Variants in NUP214 observed in about 807,000 individuals in gnomAD.
The protein encoded by NUP214 is nuclear pore complex protein Nup214.
NUP214 carries 79 observed loss-of-function variants against 196.2 expected under a neutral mutation model. The observed-to-expected ratio is 0.40, with a 90% CI of 0.34 to 0.49. The LOEUF is 0.49. Ranked by LOEUF, NUP214 falls within the 20% of genes least tolerant of loss-of-function variation. The probability of loss-of-function intolerance (pLI) is 0.58; values close to 1 mark genes in which losing one functional copy is unlikely to be tolerated. For synonymous variants in NUP214, 1,020 were observed against 990.5 expected (o/e 1.03, Z -0.56); for missense variants, 2,468 against 2,539.0 (o/e 0.97, Z 0.60).
chr9:131,132,739 C>A, intron 6 of NUP214, 80 bp downstream of exon 6: 1 of 1,185,208 alleles, frequency 8.4e-7, no homozygotes, highest in Non-Finnish European at 1.3e-6. Flanking sequence ...ATGTAATGTA[C>A]CTGCTCAGTG....
chr9:131,211,875 TG>T (rs762260186), intron 30 of NUP214, among the ~76,000 whole-genome samples: 24 of 152,234 alleles, frequency 1.6e-4, no homozygotes, highest in Non-Finnish European at 3.1e-4. Context: ...ATATGAAATC[TG>T]GGCATCCAAA....
chr9:131,218,430 T>A (rs1451216533), intron 31 of NUP214, among the ~76,000 whole-genome samples: 2 of 152,214 alleles, frequency 1.3e-5, no homozygotes, highest in Admixed American at 1.3e-4. Context: ...TTCTTTCTCC[T>A]TAATTGACTC....
At chr9:131,127,448 A>C in intron 1 of NUP214, 76 bp from the exon 2 acceptor site, 2 of 1,171,356 alleles carry the variant, frequency 1.7e-6, no homozygotes, top group Non-Finnish European at 2.5e-6. Context: ...GTTGTACTGA[A>C]ATTGGGTCTA....
At chr9:131,162,775 G>A in intron 18 of NUP214, 1 of 553,658 alleles carries the variant, frequency 1.8e-6, no homozygotes, top group Non-Finnish European at 3.2e-6. Flanking sequence ...GGACTGGCCT[G>A]CCTGTTTCCA....
intron 12 of NUP214, among the ~76,000 whole-genome samples, chr9:131,145,790 A>G (rs1235393210): frequency 6.6e-6 from 1 of 152,206 alleles, no homozygotes; most frequent in African/African-American, 2.4e-5. Flanking sequence ...AACTCTCCTA[A>G]GCATAATTGT....
chr9:131,140,945 CA>C (rs1312639525), intron 11 of NUP214, among the ~76,000 whole-genome samples: 1 of 152,124 alleles, frequency 6.6e-6, no homozygotes, highest in Non-Finnish European at 1.5e-5. Flanking sequence ...GAAGGTCAAC[CA>C]GATGATTTGC....
At chr9:131,178,461 G>A (rs776004710) in intron 24 of NUP214, 51 bp downstream of exon 24, 13 of 1,332,320 alleles carry the variant, frequency 9.8e-6, no homozygotes, top group African/African-American at 5.8e-5. Context: ...CTGTAGTAGC[G>A]GTGGACTGCC....
intron 34 of NUP214, 142 bp downstream of exon 34, chr9:131,230,911 A>C (rs987675496): frequency 1.0e-6 from 1 of 993,806 alleles, no homozygotes; most frequent in Non-Finnish European, 1.4e-6. Context: ...CTGTAATCCC[A>C]GCACTTTGGG....
chr9:131,212,580 G>GT (rs1564213704), intron 30 of NUP214, among the ~76,000 whole-genome samples: 1 of 152,054 alleles, frequency 6.6e-6, no homozygotes, highest in Non-Finnish European at 1.5e-5. Context: ...TTGAAATATC[G>GT]GGGGCTGGTT....
At chr9:131,174,743 T>C (rs1833067068) in intron 22 of NUP214, among the ~76,000 whole-genome samples, 1 of 152,096 alleles carries the variant, frequency 6.6e-6, no homozygotes, top group African/African-American at 2.4e-5. Flanking sequence ...CATGAGCCAC[T>C]GCACCTGGCT....
chr9:131,198,948 C>G lies in NUP214; in HGVS notation c.5454C>G (p.Val1818=). 1 of 1,614,058 alleles carries G rather than the reference C, an allele frequency of 6.2e-7. No individual in the cohort carries two copies. Among genetic ancestry groups the G allele is most frequent in the South Asian group, 1.1e-5 (1 of 91,080 alleles). Residue 1818 remains valine, a synonymous_variant, in exon 29 of 36, where the codon GTC becomes GTG. Coordinates refer to ENST00000359428, the MANE Select transcript of NUP214 (RefSeq NM_005085.4). ...QSPGFGQGGS[V]FGGTSAATTT... is the part of the protein sequence containing the mutation. Reference sequence around the variant, plus strand: ...CTGGCTTTGGACAGGGAGGCTCTGTCTTTGGTGGTACCTCAGCTGCCACCA... The same window carrying G: ...CTGGCTTTGGACAGGGAGGCTCTGTGTTTGGTGGTACCTCAGCTGCCACCA...
At chr9:131,227,846 C>A (rs1360240391) in intron 32 of NUP214, among the ~76,000 whole-genome samples, 1 of 152,090 alleles carries the variant, frequency 6.6e-6, no homozygotes, top group Non-Finnish European at 1.5e-5. Flanking sequence ...TCTGCTCACA[C>A]GGCTTCACAG....
At chr9:131,130,137 G>GTTTTTTTTTTTTGTTTTTTTTTTTTT (rs1831492300) in intron 4 of NUP214, among the ~76,000 whole-genome samples, 2 of 76,894 alleles carry the variant, frequency 2.6e-5, no homozygotes, top group East Asian at 9.2e-4. Flanking sequence ...TTCTGGTTTT[G>GTTTTTTTTTTTTGTTTTTTTTTTTTT]TTTTTTTTTT....
intron 10 of NUP214, 57 bp downstream of exon 10, chr9:131,139,464 A>G (rs11792419): frequency 0.041 from 64,630 of 1,579,912 alleles, 1,590 homozygotes; most frequent in Non-Finnish European, 0.05. Flanking sequence ...TAGGGTTAAT[A>G]TTGAAACACC....
Position 131,232,177 on chromosome 9 carries a change from AG to A in NUP214, c.6215-104del, listed in dbSNP as rs1834897822. The A allele has an allele frequency of 1.7e-6, 2 of 1,166,470 alleles. No individual in the cohort carries two copies. Among genetic ancestry groups the A allele is most frequent in the Admixed American group, 3.4e-5 (2 of 58,898 alleles). The allele number at this position is 1,166,470 out of a possible 1,614,324, so 72.3% of individuals were successfully genotyped here. On this transcript the variant is annotated intron_variant, in intron 34 of 35. Coordinates refer to ENST00000359428, the MANE Select transcript of NUP214 (RefSeq NM_005085.4). The surrounding 1 kb of genome is among the most constrained non-coding windows in gnomAD (Gnocchi z 5.1). ...CTTCCTGTAGGTGGTGGAGGCACGG[AG>A]GGCTTCCCACAAGAAGCACAGAGGA...
At chr9:131,226,696 G>GT (rs1834733699) in intron 32 of NUP214, among the ~76,000 whole-genome samples, 1 of 151,730 alleles carries the variant, frequency 6.6e-6, no homozygotes, top group South Asian at 2.1e-4. Context: ...TTCACTCAGT[G>GT]TTTTAACATG....
intron 24 of NUP214, among the ~76,000 whole-genome samples, chr9:131,179,075 T>TAAC (rs1428605003): frequency 6.6e-6 from 1 of 152,140 alleles, no homozygotes; most frequent in East Asian, 1.9e-4. Context: ...TGGCACACTG[T>TAAC]AGCCTTAACC....
chr9:131,144,640 G>A lies in NUP214; in HGVS notation c.1655G>A (p.Gly552Asp), dbSNP rs1017700565. 1 of 1,613,988 alleles carries A rather than the reference G, an allele frequency of 6.2e-7. No individual in the cohort carries two copies. The highest frequency in any genetic ancestry group is 1.3e-5 in the African/African-American group (1 of 74,866). Residue 552 changes from glycine (G) to aspartate (D), a missense_variant, in exon 12 of 36, where the codon GGT becomes GAT. Coordinates refer to ENST00000359428, the MANE Select transcript of NUP214 (RefSeq NM_005085.4). Reference protein sequence around the residue: ...SAASFSFGSSGFKPTLESTPV... With the variant: ...SAASFSFGSSDFKPTLESTPV... ...GCTTCATTCTCCTTTGGATCATCTG[G>A]TTTTAAGCCTACCCTGGAAAGCACA...
chr9:131,191,306 A>C (rs1426509477), intron 26 of NUP214: 2 of 152,114 alleles, frequency 1.3e-5, no homozygotes, highest in African/African-American at 4.8e-5. Context: ...TCTACTAAAA[A>C]AAAATACAAA....
Sources: allele counts gnomAD v4.1 joint callset (sites outside exome capture counted in the v4.1 genomes callset), GRCh38; gene constraint gnomAD v4.1.1; non-coding constraint Gnocchi (gnomAD v3.1); transcripts MANE v1.5; gene names NCBI Gene and HGNC (gene_info 2026-07-23, HGNC 2026-07-21).